RIN3: variants seen among roughly 807,000 people sequenced by gnomAD.
RIN3 encodes Ras and Rab interactor 3.
Under a neutral mutation model 76.3 loss-of-function variants are expected in RIN3, and 54 were observed. The ratio of observed to expected loss-of-function variants is 0.71; its 90% confidence interval spans 0.57 to 0.89. The LOEUF (loss-of-function observed/expected upper bound fraction) is 0.89, where lower values mean the gene tolerates loss of function less well. RIN3 is among the 40% of genes least tolerant of loss of function. RIN3 has a pLI of 0.00. For missense variants in RIN3, 1,256 were observed against 1,322.1 expected, an observed-to-expected ratio of 0.95 and a Z score of 0.78; for synonymous variants, 576 against 564.0, an observed-to-expected ratio of 1.02 and a Z score of -0.30.
chr14:92,561,754 G>A (rs1897783359), intron 2 of RIN3, among the ~76,000 whole-genome samples: 1 of 152,150 alleles, frequency 6.6e-6, no homozygotes, highest in Non-Finnish European at 1.5e-5. Context: ...GCGCGATCAT[G>A]GCTCACTGCA....
At chr14:92,671,068 TCAG>T (rs1471308229) in intron 7 of RIN3, among the ~76,000 whole-genome samples, 1 of 152,188 alleles carries the variant, frequency 6.6e-6, no homozygotes, top group Admixed American at 6.5e-5. Flanking sequence ...CAGTCCATTG[TCAG>T]CAGCCTACGT....
intron 4 of RIN3, among the ~76,000 whole-genome samples, chr14:92,625,864 A>G (rs1184619915): frequency 1.3e-5 from 2 of 151,994 alleles, no homozygotes; most frequent in Non-Finnish European, 2.9e-5. Context: ...ATCTCTCCTC[A>G]CATATACTTT....
chr14:92,541,389 C>A (rs774331410), intron 1 of RIN3, among the ~76,000 whole-genome samples: 3 of 152,182 alleles, frequency 2.0e-5, no homozygotes, highest in Non-Finnish European at 2.9e-5. Context: ...CTGCTCAGGG[C>A]ACACCTGGGT....
chr14:92,628,863 A>C (rs577324870), intron 4 of RIN3, among the ~76,000 whole-genome samples: 1 of 152,212 alleles, frequency 6.6e-6, no homozygotes, highest in East Asian at 1.9e-4. Flanking sequence ...CTAGGCCTTC[A>C]GGCAACACTG....
intron 7 of RIN3, among the ~76,000 whole-genome samples, chr14:92,675,504 C>A (rs1429526517): frequency 1.3e-5 from 2 of 152,208 alleles, no homozygotes; most frequent in African/African-American, 4.8e-5. Flanking sequence ...GACCTGGTAA[C>A]CCCCGGCTGA....
chr14:92,583,492 C>T (rs886583016), intron 3 of RIN3, among the ~76,000 whole-genome samples: 1 of 152,222 alleles, frequency 6.6e-6, no homozygotes, highest in South Asian at 2.1e-4. Flanking sequence ...GAGTGTGCAG[C>T]TGGCCCTCCA....
chr14:92,527,269 G>C (rs1441353807), intron 1 of RIN3, among the ~76,000 whole-genome samples: 2 of 149,116 alleles, frequency 1.3e-5, no homozygotes, highest in South Asian at 2.1e-4. Context: ...AGCCACAATG[G>C]TCTCGATCTC....
intron 6 of RIN3, among the ~76,000 whole-genome samples, chr14:92,654,571 G>A (rs145195445): frequency 5.6e-4 from 86 of 152,310 alleles, no homozygotes; most frequent in African/African-American, 1.8e-3. Flanking sequence ...AGGAGCTTCA[G>A]GTGTTCCTTT....
intron 1 of RIN3, among the ~76,000 whole-genome samples, chr14:92,534,793 A>G (rs1304318841): frequency 6.6e-6 from 1 of 152,058 alleles, no homozygotes; most frequent in African/African-American, 2.4e-5. Context: ...TGACAAGCAC[A>G]TTGATCTGGG....
At chr14:92,641,660 G>A (rs1159923790) in intron 5 of RIN3, among the ~76,000 whole-genome samples, 1 of 152,136 alleles carries the variant, frequency 6.6e-6, no homozygotes, top group Non-Finnish European at 1.5e-5. Context: ...AGAGAGCTGG[G>A]CCTGGCAGCC....
intron 7 of RIN3, 163 bp downstream of exon 7, chr14:92,659,632 C>T (rs539401717): frequency 1.2e-5 from 7 of 607,994 alleles, no homozygotes; most frequent in Non-Finnish European, 1.9e-5. Flanking sequence ...ATTCCTGGGC[C>T]CTCTTGGAGT....
chr14:92,611,459 C>T (rs1885732935), intron 3 of RIN3, among the ~76,000 whole-genome samples: 1 of 152,106 alleles, frequency 6.6e-6, no homozygotes, highest in South Asian at 2.1e-4. Context: ...ACAGGTTTGA[C>T]CATGTTGGCC....
At chr14:92,542,314 A>T (rs1897147568) in intron 1 of RIN3, among the ~76,000 whole-genome samples, 1 of 152,140 alleles carries the variant, frequency 6.6e-6, no homozygotes, top group Non-Finnish European at 1.5e-5. Flanking sequence ...AAATGAACAG[A>T]TGCTCAATAT....
intron 1 of RIN3, among the ~76,000 whole-genome samples, chr14:92,553,312 C>A (rs1897487528): frequency 6.6e-6 from 1 of 152,150 alleles, no homozygotes; most frequent in African/African-American, 2.4e-5. Flanking sequence ...CAGAACATAT[C>A]TTTGTGTTTC....
chr14:92,626,819 T>C (rs1388017352), intron 4 of RIN3, among the ~76,000 whole-genome samples: 1 of 152,048 alleles, frequency 6.6e-6, no homozygotes, highest in Admixed American at 6.6e-5. Flanking sequence ...AGGGGTTGGT[T>C]TTACTACGCC....
At chr14:92,641,019 G>A (rs1484441363) in intron 4 of RIN3, among the ~76,000 whole-genome samples, 1 of 152,268 alleles carries the variant, frequency 6.6e-6, no homozygotes, top group East Asian at 1.9e-4. Context: ...CCACTCCTGA[G>A]TAGGATCTCC....
chr14:92,513,869 C>T lies in RIN3; in HGVS notation c.-64C>T, dbSNP rs1410575281. 6.6e-6 allele frequency: 8 copies of T among 1,207,062 alleles called. No individual in the cohort carries two copies. Among genetic ancestry groups the T allele is most frequent in the Admixed American group, 4.3e-5 (1 of 23,474 alleles). The allele number at this position is 1,207,062 out of a possible 1,614,324, so 74.8% of individuals were successfully genotyped here. A position where few individuals can be genotyped will look rare whatever the true frequency, so the allele number is the denominator to read the frequency against. ...GCCAGGGACATGCGGGCGCCCGGGACTCCGCGTTCCGCGCGGCCCGGCGCC... is the reference window on the plus strand; with the variant it reads ...GCCAGGGACATGCGGGCGCCCGGGATTCCGCGTTCCGCGCGGCCCGGCGCC... On this transcript the variant is annotated 5_prime_UTR_variant, in exon 1 of 10. Coordinates refer to ENST00000216487, the MANE Select transcript of RIN3 (RefSeq NM_024832.5).
chr14:92,577,331 C>T (rs368727636), intron 2 of RIN3, 29 bp from the exon 3 acceptor site: 69 of 1,516,494 alleles, frequency 4.5e-5, no homozygotes, highest in East Asian at 6.8e-5. Flanking sequence ...CTTTAATTCA[C>T]GGAGCTGCAT....
At chr14:92,595,867 G>C (rs986169429) in intron 3 of RIN3, among the ~76,000 whole-genome samples, 2 of 152,186 alleles carry the variant, frequency 1.3e-5, no homozygotes, top group African/African-American at 2.4e-5. Context: ...CAGCCCACCT[G>C]GTCCAGAGGA....
Sources: allele counts gnomAD v4.1 joint callset (sites outside exome capture counted in the v4.1 genomes callset), GRCh38; gene constraint gnomAD v4.1.1; transcripts MANE v1.5; gene names NCBI Gene and HGNC (gene_info 2026-07-23, HGNC 2026-07-21).